SOCS5: variants seen among roughly 807,000 people sequenced by gnomAD.
The protein encoded by SOCS5 is suppressor of cytokine signaling 5.
In SOCS5, 32 loss-of-function variants were observed where a neutral mutation model predicts 42.8. That is an observed-to-expected ratio of 0.75 (90% CI 0.56 to 1.01). The LOEUF is 1.01. SOCS5 is among the 50% of genes least tolerant of loss of function. The pLI, the probability that SOCS5 is intolerant of heterozygous loss-of-function variation, is 0.00. For missense variants in SOCS5, 627 were observed against 653.0 expected, an observed-to-expected ratio of 0.96 and a Z score of 0.43; for synonymous variants, 283 against 229.6, an observed-to-expected ratio of 1.23 and a Z score of -2.10.
At chr2:46,714,700 C>A (rs891000101) in intron 1 of SOCS5, among the ~76,000 whole-genome samples, 1 of 152,170 alleles carries the variant, frequency 6.6e-6, no homozygotes, top group South Asian at 2.1e-4. Context: ...GCCATGCCCC[C>A]ATGCCAACCA....
intron 1 of SOCS5, among the ~76,000 whole-genome samples, chr2:46,734,523 C>T (rs967098948): frequency 6.6e-6 from 1 of 152,160 alleles, no homozygotes; most frequent in Non-Finnish European, 1.5e-5. Context: ...ATATTTGAAT[C>T]CTTACTTAAT....
At chr2:46,707,135 A>G (rs1423635059) in intron 1 of SOCS5, among the ~76,000 whole-genome samples, 1 of 152,190 alleles carries the variant, frequency 6.6e-6, no homozygotes, top group East Asian at 1.9e-4. Context: ...GAGGTGTTAA[A>G]GATGAGAGGA....
intron 1 of SOCS5, among the ~76,000 whole-genome samples, chr2:46,715,858 C>G (rs1037440141): frequency 2.6e-5 from 4 of 152,058 alleles, no homozygotes; most frequent in Non-Finnish European, 5.9e-5. Context: ...TTTTAGCCAT[C>G]TATCTTGAAG....
chr2:46,704,767 A>G (rs559779598), intron 1 of SOCS5, among the ~76,000 whole-genome samples: 188 of 152,328 alleles, frequency 1.2e-3, no homozygotes, highest in African/African-American at 3.7e-3. Flanking sequence ...AAGGTGAAAG[A>G]TAGTCTTTTG....
chr2:46,730,843 C>T (rs1395511622), intron 1 of SOCS5, among the ~76,000 whole-genome samples: 2 of 152,036 alleles, frequency 1.3e-5, no homozygotes, highest in Admixed American at 1.3e-4. Context: ...TAGGTATATT[C>T]AGATATGAAG....
intron 1 of SOCS5, among the ~76,000 whole-genome samples, chr2:46,708,482 C>T (rs1410562458): frequency 6.6e-6 from 1 of 152,104 alleles, no homozygotes; most frequent in South Asian, 2.1e-4. Context: ...ATTTTGAAGG[C>T]ATATATTTTG....
At chr2:46,726,190 C>T (rs773484844) in intron 1 of SOCS5, among the ~76,000 whole-genome samples, 30 of 152,028 alleles carry the variant, frequency 2.0e-4, no homozygotes, top group Non-Finnish European at 2.4e-4. Flanking sequence ...TCTGCCTCTC[C>T]GGTTCAAGCA....
In SOCS5 at chr2:46,760,194, C is replaced by CA. The variant is rs1393522614; in HGVS notation, c.*54dup. 4.5e-6 allele frequency: 6 copies of CA among 1,323,406 alleles called. No homozygotes were observed. Among genetic ancestry groups the CA allele is most frequent in the Non-Finnish European group, 5.3e-6 (5 of 938,172 alleles). The allele number at this position is 1,323,406 out of a possible 1,614,324, so 82.0% of individuals were successfully genotyped here. On this transcript the variant is annotated 3_prime_UTR_variant, in exon 2 of 2. Coordinates refer to ENST00000394861, the MANE Select transcript of SOCS5 (RefSeq NM_144949.3). ...TAGGTCCGCTTTCATGTGCATCAGA[C>CA]AGTACACCTATAGCAAGCACACGTA...
chr2:46,752,508 A>G (rs144757304), intron 1 of SOCS5, among the ~76,000 whole-genome samples: 3 of 152,256 alleles, frequency 2.0e-5, no homozygotes, highest in African/African-American at 7.2e-5. Flanking sequence ...TTTATTATAT[A>G]TGTATGTATA....
intron 1 of SOCS5, among the ~76,000 whole-genome samples, chr2:46,741,106 C>G (rs1423164623): frequency 6.6e-6 from 1 of 152,144 alleles, no homozygotes; most frequent in Non-Finnish European, 1.5e-5. Context: ...TTATTTGTGT[C>G]TCTTCCCTTC....
At chr2:46,731,320 T>C (rs1673119313) in intron 1 of SOCS5, among the ~76,000 whole-genome samples, 1 of 152,244 alleles carries the variant, frequency 6.6e-6, no homozygotes, top group Admixed American at 6.5e-5. Context: ...AGTGAGAAGA[T>C]GGCCATCTCT....
rs1673798116 is a variant in SOCS5, at chr2:46,759,058, T to C, written c.528T>C (p.Ser176=). The change falls in exon 2 of 2, where the codon TCT becomes TCC. Residue 176 remains serine (S), a synonymous_variant. Coordinates refer to ENST00000394861, the MANE Select transcript of SOCS5 (RefSeq NM_144949.3). ...SVSSRTVGSR[S]LRQRLQDTVG... ...CCAGCAGAACTGTAGGAAGTCGCTC[T>C]CTAAGACAGAGGTTGCAGGATACTG... The C allele has an allele frequency of 3.1e-6, 5 of 1,614,006 alleles. No individual in the cohort carries two copies. Among genetic ancestry groups the C allele is most frequent in the East Asian group, 4.5e-5 (2 of 44,882 alleles).
In SOCS5 at chr2:46,754,559, G is replaced by A. The variant is rs77717967; in HGVS notation, c.-12-3960G>A. Among the ~76,000 whole-genome samples, 398 of 152,134 alleles carry A rather than the reference G, an allele frequency of 2.6e-3. 5 individuals are homozygous for A. The highest frequency in any genetic ancestry group is 9.1e-3 in the African/African-American group (378 of 41,514). ...AAAGTGTAACTCACTGCTGGGAACT[G>A]GAAGTGTCTGGGTATACTAGATTAG... On this transcript the variant is annotated intron_variant, in intron 1 of 1. Coordinates refer to ENST00000394861, the MANE Select transcript of SOCS5 (RefSeq NM_144949.3).
Position 46,759,585 on chromosome 2 carries a change from GCAGA to G in SOCS5, c.1059_1062del (p.Gln354GlufsTer31), listed in dbSNP as rs1465109191. ...TCTGGAGACAGCCATACCCATGTTA[GCAGA>G]CAGGGAGCTTGGAAAGTCCACACAC... On this transcript the variant is annotated frameshift_variant, in exon 2 of 2. Coordinates refer to ENST00000394861, the MANE Select transcript of SOCS5 (RefSeq NM_144949.3). LOFTEE classifies it high-confidence loss of function. 6.2e-7 allele frequency: 1 copy of G among 1,613,846 alleles called. No homozygotes were observed. Among genetic ancestry groups the G allele is most frequent in the Non-Finnish European group, 8.5e-7 (1 of 1,179,860 alleles).
chr2:46,761,216 C>G lies in SOCS5; in HGVS notation c.*1075C>G, dbSNP rs952866848. On this transcript the variant is annotated 3_prime_UTR_variant, in exon 2 of 2. Coordinates refer to ENST00000394861, the MANE Select transcript of SOCS5 (RefSeq NM_144949.3). ...AAAAGGTACTGTACAACCATTATATCTGTAAATAACTTAGCACCTTTTTGT... is the reference window on the plus strand; with the variant it reads ...AAAAGGTACTGTACAACCATTATATGTGTAAATAACTTAGCACCTTTTTGT... 5 of 167,090 alleles carry G rather than the reference C, an allele frequency of 3.0e-5. No homozygotes were observed. Among genetic ancestry groups the G allele is most frequent in the African/African-American group, 1.2e-4 (5 of 41,450 alleles). The allele number at this position is 167,090 out of a possible 1,614,324, so 10.4% of individuals were successfully genotyped here. A position where few individuals can be genotyped will look rare whatever the true frequency, so the allele number is the denominator to read the frequency against.
chr2:46,718,193 TCCTGTGC>T (rs1379329064), intron 1 of SOCS5, among the ~76,000 whole-genome samples: 3 of 152,180 alleles, frequency 2.0e-5, no homozygotes, highest in Non-Finnish European at 4.4e-5. Flanking sequence ...GGAATCACAA[TCCTGTGC>T]TGCCTCTTGT....
intron 1 of SOCS5, among the ~76,000 whole-genome samples, chr2:46,758,276 T>C (rs1558414328): frequency 2.6e-5 from 4 of 152,230 alleles, no homozygotes; most frequent in Non-Finnish European, 1.5e-5. Flanking sequence ...GTTCAGAATA[T>C]TCTGCCTGAA....
intron 1 of SOCS5, among the ~76,000 whole-genome samples, chr2:46,755,065 A>G (rs951297718): frequency 5.3e-5 from 8 of 152,160 alleles, no homozygotes; most frequent in African/African-American, 1.7e-4. Context: ...AGGACTTTCT[A>G]TTGGAAAGGT....
At chr2:46,705,345 C>G (rs1672438992) in intron 1 of SOCS5, among the ~76,000 whole-genome samples, 1 of 152,168 alleles carries the variant, frequency 6.6e-6, no homozygotes, top group Admixed American at 6.5e-5. Flanking sequence ...CACGCTGTCT[C>G]TAGGTGTAGC....
Sources: gnomAD v4.1 joint callset for allele counts (sites outside exome capture counted in the v4.1 genomes callset) on GRCh38, gnomAD v4.1.1 for gene constraint, MANE v1.5 for transcripts, NCBI Gene and HGNC (gene_info 2026-07-23, HGNC 2026-07-21) for gene names.